The following DAB1 variants were observed in gnomAD, a reference collection of about 807,000 sequenced individuals.
DAB1 encodes DAB adaptor protein 1.
DAB1 carries 15 observed loss-of-function variants against 64.6 expected under a neutral mutation model. That is an observed-to-expected ratio of 0.23 (90% CI 0.16 to 0.36). The LOEUF (loss-of-function observed/expected upper bound fraction) is 0.36. DAB1 is among the 10% of genes least tolerant of loss of function. The pLI is 1.00. For missense variants in DAB1, 596 were observed against 706.7 expected, an observed-to-expected ratio of 0.84 and a Z score of 1.78; for synonymous variants, 235 against 251.9, an observed-to-expected ratio of 0.93 and a Z score of 0.64.
At chr1:58,469,398 C>T (rs1369290562) in intron 3 of DAB1, among the ~76,000 whole-genome samples, 1 of 145,658 alleles carries the variant, frequency 6.9e-6, no homozygotes, top group Non-Finnish European at 1.5e-5. Flanking sequence ...ACAGTAGGTG[C>T]TTTAAAAAAA....
chr1:57,965,775 A>G (rs901617481), intron 5 of DAB1, among the ~76,000 whole-genome samples: 3 of 152,114 alleles, frequency 2.0e-5, no homozygotes, highest in Non-Finnish European at 4.4e-5. Context: ...GGGAGCTCAC[A>G]ATCTTTAGGG....
chr1:57,009,307 A>G (rs1646191716), intron 14 of DAB1, among the ~76,000 whole-genome samples: 1 of 152,144 alleles, frequency 6.6e-6, no homozygotes, highest in African/African-American at 2.4e-5. Context: ...CTTTGCTTTC[A>G]ATATATCAAC....
At chr1:57,881,878 A>G (rs565850822) in intron 1 of DAB1, among the ~76,000 whole-genome samples, 95 of 152,214 alleles carry the variant, frequency 6.2e-4, no homozygotes, top group Non-Finnish European at 1.1e-3. Context: ...CTATAAAAGG[A>G]AAGATTATTC....
At chr1:57,380,588 G>A (rs1219424695) in intron 1 of DAB1, among the ~76,000 whole-genome samples, 1 of 152,224 alleles carries the variant, frequency 6.6e-6, no homozygotes, top group African/African-American at 2.4e-5. Context: ...TGATCATAAT[G>A]AGTACAATGT....
At chr1:57,662,888 T>C (rs1166246300) in intron 6 of DAB1, among the ~76,000 whole-genome samples, 2 of 152,194 alleles carry the variant, frequency 1.3e-5, no homozygotes, top group African/African-American at 4.8e-5. Flanking sequence ...TTTCTGTTTT[T>C]CCTCTACCAA....
At chr1:58,505,099 C>T (rs936387803) in intron 3 of DAB1, among the ~76,000 whole-genome samples, 1 of 152,134 alleles carries the variant, frequency 6.6e-6, no homozygotes, top group Non-Finnish European at 1.5e-5. Context: ...ATTACAGGCG[C>T]ATGCCACCAC....
intron 7 of DAB1, among the ~76,000 whole-genome samples, chr1:57,576,439 TAAG>T (rs906219308): frequency 2.0e-5 from 3 of 152,190 alleles, no homozygotes; most frequent in South Asian, 2.1e-4. Flanking sequence ...GCTGTCCTTA[TAAG>T]AAGAAGACAG....
chr1:58,163,433 C>T (rs1022700324), intron 4 of DAB1, among the ~76,000 whole-genome samples: 2 of 152,204 alleles, frequency 1.3e-5, no homozygotes, highest in Non-Finnish European at 1.5e-5. Flanking sequence ...CAAATCCTCT[C>T]TCTCCACAAC....
intron 5 of DAB1, among the ~76,000 whole-genome samples, chr1:58,094,584 C>G (rs558696388): frequency 1.3e-5 from 2 of 152,210 alleles, no homozygotes; most frequent in Admixed American, 1.3e-4. Context: ...TGAAGTTAAA[C>G]GTAGTATCCT....
At chr1:58,476,580 C>CA (rs1171769036) in intron 3 of DAB1, among the ~76,000 whole-genome samples, 6 of 152,112 alleles carry the variant, frequency 3.9e-5, no homozygotes, top group African/African-American at 1.4e-4. Context: ...AGAACACTGA[C>CA]AGAGTTTTCT....
intron 5 of DAB1, among the ~76,000 whole-genome samples, chr1:58,067,805 G>T (rs964512301): frequency 6.6e-6 from 1 of 152,164 alleles, no homozygotes; most frequent in African/African-American, 2.4e-5. Context: ...ACAATGAGTG[G>T]GGGGTAATGA....
At chr1:57,856,969 C>T (rs1210573854) in intron 1 of DAB1, among the ~76,000 whole-genome samples, 3 of 152,176 alleles carry the variant, frequency 2.0e-5, no homozygotes, top group African/African-American at 7.2e-5. Context: ...TAAAAGGATG[C>T]TGCCATGATG....
At chr1:57,347,435 T>A (rs1678205350) in intron 1 of DAB1, among the ~76,000 whole-genome samples, 1 of 152,244 alleles carries the variant, frequency 6.6e-6, no homozygotes, top group South Asian at 2.1e-4. Context: ...TTTGCTAAGA[T>A]TCTAATGGTA....
intron 1 of DAB1, among the ~76,000 whole-genome samples, chr1:57,388,984 G>A (rs1682115720): frequency 6.6e-6 from 1 of 152,124 alleles, no homozygotes; most frequent in African/African-American, 2.4e-5. Context: ...CTCCTTTTTA[G>A]GTTATTCTTT....
intron 6 of DAB1, among the ~76,000 whole-genome samples, chr1:57,755,976 A>G (rs1383094446): frequency 6.6e-6 from 1 of 152,224 alleles, no homozygotes; most frequent in African/African-American, 2.4e-5. Context: ...AGGCTGCATC[A>G]TGTGGCAAAG....
chr1:57,793,592 T>A (rs1232286298), intron 6 of DAB1, among the ~76,000 whole-genome samples: 2 of 152,164 alleles, frequency 1.3e-5, no homozygotes, highest in African/African-American at 2.4e-5. Context: ...CAGTGTTGCA[T>A]GGCAAGTGTA....
intron 6 of DAB1, among the ~76,000 whole-genome samples, chr1:57,670,592 G>A (rs1183476890): frequency 6.6e-6 from 1 of 152,068 alleles, no homozygotes; most frequent in Non-Finnish European, 1.5e-5. Context: ...GGATATCAGT[G>A]GTAATGCTGG....
chr1:58,475,225 G>A (rs938367357), intron 3 of DAB1, among the ~76,000 whole-genome samples: 16 of 152,132 alleles, frequency 1.1e-4, no homozygotes, highest in African/African-American at 3.4e-4. Flanking sequence ...GCACGATCTC[G>A]GCTCACTGTA....
chr1:57,369,230 G>C (rs1028957985), intron 1 of DAB1, among the ~76,000 whole-genome samples: 3 of 152,168 alleles, frequency 2.0e-5, no homozygotes, highest in African/African-American at 7.2e-5. Flanking sequence ...ACAGTGGCTA[G>C]GACATAGCAA....
Sources: gnomAD v4.1 joint callset for allele counts (sites outside exome capture counted in the v4.1 genomes callset) on GRCh38, gnomAD v4.1.1 for gene constraint, MANE v1.5 for transcripts, NCBI Gene and HGNC (gene_info 2026-07-23, HGNC 2026-07-21) for gene names.